Variants in COL8A1 observed in about 807,000 individuals in gnomAD.
COL8A1 encodes the protein collagen alpha-1(VIII) chain.
In COL8A1, 21 loss-of-function variants were observed where a neutral mutation model predicts 42.7. The observed-to-expected ratio is 0.49, with a 90% CI of 0.35 to 0.71. The LOEUF is 0.71. Among genes scored for constraint, COL8A1 ranks in the 30% least tolerant of loss-of-function variants. COL8A1 has a pLI of 0.01. For synonymous variants in COL8A1, 367 were observed against 369.1 expected, an observed-to-expected ratio of 0.99 and a Z score of 0.06; for missense variants, 788 against 962.4, an observed-to-expected ratio of 0.82 and a Z score of 2.40.
intron 1 of COL8A1, among the ~76,000 whole-genome samples, chr3:99,655,450 T>C (rs909839273): frequency 9.2e-5 from 14 of 152,182 alleles, no homozygotes. Flanking sequence ...CAATGAAAAC[T>C]GGTGGTCCCA....
At chr3:99,791,561 A>G (rs766647114) in intron 3 of COL8A1, among the ~76,000 whole-genome samples, 1 of 152,262 alleles carries the variant, frequency 6.6e-6, no homozygotes, top group Non-Finnish European at 1.5e-5. Context: ...TATAGACTGC[A>G]TCTAGGGATG....
intron 2 of COL8A1, among the ~76,000 whole-genome samples, chr3:99,763,587 A>T (rs1485307432): frequency 1.3e-5 from 2 of 152,058 alleles, no homozygotes; most frequent in Admixed American, 1.3e-4. Flanking sequence ...TATTATCCTC[A>T]TTTTCTGGAA....
At chr3:99,762,687 C>T (rs1245445909) in intron 2 of COL8A1, among the ~76,000 whole-genome samples, 7 of 152,214 alleles carry the variant, frequency 4.6e-5, no homozygotes, top group African/African-American at 1.7e-4. Context: ...CCCAGTGATA[C>T]AGTGTATGTC....
chr3:99,773,817 A>ATATATATATATATATAT (rs1413916025), intron 2 of COL8A1, among the ~76,000 whole-genome samples: 21 of 49,694 alleles, frequency 4.2e-4, no homozygotes, highest in African/African-American at 1.9e-3. Flanking sequence ...ATATGTGTGT[A>ATATATATATATATATAT]TATATATATA....
chr3:99,752,939 G>T (rs545390441), intron 2 of COL8A1, among the ~76,000 whole-genome samples: 2 of 152,226 alleles, frequency 1.3e-5, no homozygotes, highest in African/African-American at 4.8e-5. Context: ...ACCAGCCCTG[G>T]AGCCCGGCTC....
intron 1 of COL8A1, among the ~76,000 whole-genome samples, chr3:99,681,677 C>A (rs916506542): frequency 1.3e-5 from 2 of 152,116 alleles, no homozygotes; most frequent in African/African-American, 4.8e-5. Context: ...TTGGGTTAGA[C>A]CCAAATTATT....
At chr3:99,723,728 A>C (rs1272283987) in intron 1 of COL8A1, among the ~76,000 whole-genome samples, 1 of 152,088 alleles carries the variant, frequency 6.6e-6, no homozygotes, top group Non-Finnish European at 1.5e-5. Context: ...CTCTGAGTAA[A>C]TTCCTCTGAA....
In COL8A1 at chr3:99,662,238, C is replaced by G. The variant is rs140228891; in HGVS notation, c.-129+23574C>G. Among the ~76,000 whole-genome samples the G allele has an allele frequency of 4.8e-3, 735 of 152,152 alleles. 8 individuals carry two copies. The highest frequency in any genetic ancestry group is 0.017 in the African/African-American group (691 of 41,516). ...TACAAAAATTATTTTAAAAATTAGC[C>G]AGGCGTGGTGGTGAGTGCCTATAAT... On this transcript the variant is annotated intron_variant, in intron 1 of 3. Coordinates refer to ENST00000652472, the MANE Select transcript of COL8A1 (RefSeq NM_020351.4).
At chr3:99,668,215 A>G (rs1236192073) in intron 1 of COL8A1, among the ~76,000 whole-genome samples, 1 of 152,156 alleles carries the variant, frequency 6.6e-6, no homozygotes, top group African/African-American at 2.4e-5. Flanking sequence ...GTTTCCTGTC[A>G]GTGTGGAAAA....
chr3:99,742,840 G>A (rs1204137658), intron 1 of COL8A1, among the ~76,000 whole-genome samples: 2 of 152,038 alleles, frequency 1.3e-5, no homozygotes, highest in Admixed American at 1.3e-4. Flanking sequence ...ATTATGCTAT[G>A]TATCTTCCCC....
chr3:99,669,146 T>TATATATATATATATATATAGAGAG, intron 1 of COL8A1, among the ~76,000 whole-genome samples: 25 of 115,386 alleles, frequency 2.2e-4, no homozygotes, highest in Admixed American at 1.0e-3. Context: ...TATATATATA[T>TATATATATATATATATATAGAGAG]AGAGGGAGAG....
At chr3:99,684,422 AAAG>A (rs1229358159) in intron 1 of COL8A1, among the ~76,000 whole-genome samples, 2 of 152,152 alleles carry the variant, frequency 1.3e-5, no homozygotes, top group Admixed American at 1.3e-4. Context: ...CTGCCTTCCT[AAAG>A]CAGGAGGGTT....
intron 2 of COL8A1, among the ~76,000 whole-genome samples, chr3:99,770,398 G>A (rs925644428): frequency 2.5e-4 from 38 of 152,104 alleles, no homozygotes; most frequent in African/African-American, 6.5e-4. Context: ...TGTCCTTCAC[G>A]ATATCAATGC....
At chr3:99,739,143 G>A (rs1356606619) in intron 1 of COL8A1, among the ~76,000 whole-genome samples, 2 of 152,144 alleles carry the variant, frequency 1.3e-5, no homozygotes, top group Non-Finnish European at 2.9e-5. Flanking sequence ...CTAGTGAGAT[G>A]AACTCAGTAC....
chr3:99,794,679 C>A lies in COL8A1; in HGVS notation c.778C>A (p.His260Asn), dbSNP rs769951985. ...AGGTGTAAAGGGGCCTCCAGGGATG[C>A]ACGGCCCTCCCGGCCCTGTTGGACT... Reference protein sequence around the residue: ...APGVKGPPGMHGPPGPVGLPG... With the variant: ...APGVKGPPGMNGPPGPVGLPG... The change falls in exon 4 of 4, where the codon CAC becomes AAC. Residue 260 changes from histidine to asparagine, a missense_variant. By Grantham distance (68) the His-to-Asn change is moderately conservative. Transcript: ENST00000652472. This position sits in a 1 kb window ranked among gnomAD's most constrained non-coding sequence, Gnocchi z 4.3. The A allele has an allele frequency of 2.5e-6, 4 of 1,613,480 alleles. No homozygotes were observed. Among genetic ancestry groups the A allele is most frequent in the Non-Finnish European group, 3.4e-6 (4 of 1,179,792 alleles).
intron 1 of COL8A1, among the ~76,000 whole-genome samples, chr3:99,730,341 T>C (rs751863900): frequency 2.0e-5 from 3 of 152,276 alleles, no homozygotes; most frequent in Admixed American, 6.5e-5. Flanking sequence ...AGATAGGCTA[T>C]GTTGAAATGC....
intron 1 of COL8A1, among the ~76,000 whole-genome samples, chr3:99,727,813 C>A (rs1266335690): frequency 6.6e-6 from 1 of 151,960 alleles, no homozygotes; most frequent in African/African-American, 2.4e-5. Context: ...GGGCTTCATC[C>A]CTGGGATGCA....
chr3:99,684,020 T>C (rs150024695), intron 1 of COL8A1, among the ~76,000 whole-genome samples: 1 of 152,292 alleles, frequency 6.6e-6, no homozygotes, highest in Non-Finnish European at 1.5e-5. Context: ...ATGTACACTG[T>C]TCAGAGCGGT....
At chr3:99,687,427 C>CGTGT (rs148281464) in intron 1 of COL8A1, among the ~76,000 whole-genome samples, 15 of 152,024 alleles carry the variant, frequency 9.9e-5, no homozygotes, top group African/African-American at 3.6e-4. Flanking sequence ...TATCTGTTCA[C>CGTGT]GTGTGTGTGT....
Sources: allele counts gnomAD v4.1 joint callset (sites outside exome capture counted in the v4.1 genomes callset), GRCh38; gene constraint gnomAD v4.1.1; non-coding constraint Gnocchi (gnomAD v3.1); transcripts MANE v1.5; gene names NCBI Gene and HGNC (gene_info 2026-07-23, HGNC 2026-07-21).